Variants in SLIT3 observed in about 807,000 individuals in gnomAD.
The protein encoded by SLIT3 is slit guidance ligand 3.
A neutral mutation model predicts 184.0 loss-of-function variants in SLIT3; 68 were observed. The observed-to-expected ratio is 0.37, with a 90% CI of 0.30 to 0.45. The LOEUF (loss-of-function observed/expected upper bound fraction) is 0.45. SLIT3 is among the 20% of genes least tolerant of loss of function. The pLI is 1.00. For missense variants in SLIT3, 1,707 were observed against 2,026.0 expected (o/e 0.84, Z 3.02); for synonymous variants, 831 against 828.6 (o/e 1.00, Z -0.05).
intron 1 of SLIT3, among the ~76,000 whole-genome samples, chr5:169,257,127 A>C (rs1412702480): frequency 6.6e-6 from 1 of 152,192 alleles, no homozygotes; most frequent in East Asian, 1.9e-4. Flanking sequence ...CTTTCTTTGC[A>C]TGTATGTGCA....
Position 168,994,623 on chromosome 5 carries a change from C to CTTTTTTTTTTTTTTTTTTT in SLIT3, c.414-111306_414-111288dup, listed in dbSNP as rs66498923. On this transcript the variant is annotated intron_variant, in intron 4 of 35. Coordinates refer to ENST00000519560, the MANE Select transcript of SLIT3 (RefSeq NM_003062.4). The stretch of plus-strand genomic sequence containing the variant: ...ACATGTACCAGTGTCTGGCATTCTA[C>CTTTTTTTTTTTTTTTTTTT]TTTTTTTTTTTTTTTTTTTTTTTTT... Among the ~76,000 whole-genome samples the CTTTTTTTTTTTTTTTTTTT allele has an allele frequency of 6.4e-5, 3 of 47,100 alleles. 1 individual carries two copies. The highest frequency in any genetic ancestry group is 9.8e-5 in the African/African-American group (1 of 10,224). The allele number at this position is 47,100 out of a possible 152,430, so 30.9% of individuals were successfully genotyped here.
intron 4 of SLIT3, among the ~76,000 whole-genome samples, chr5:169,165,003 A>C (rs928895403): frequency 1.3e-5 from 2 of 152,244 alleles, no homozygotes; most frequent in South Asian, 4.1e-4. Flanking sequence ...TCTTTCAAAC[A>C]GTAATGATAA....
At chr5:169,192,577 A>T (rs1238506133) in intron 4 of SLIT3, among the ~76,000 whole-genome samples, 1 of 152,146 alleles carries the variant, frequency 6.6e-6, no homozygotes, top group Non-Finnish European at 1.5e-5. Flanking sequence ...CTGCACAAGT[A>T]GGCATTAAAT....
At chr5:168,805,632 A>G (rs1756929101) in intron 9 of SLIT3, among the ~76,000 whole-genome samples, 1 of 152,250 alleles carries the variant, frequency 6.6e-6, no homozygotes, top group African/African-American at 2.4e-5. Context: ...CTATGTGGAC[A>G]AACACATTTT....
intron 4 of SLIT3, chr5:169,120,342 A>T (rs1760832959): frequency 6.6e-6 from 1 of 152,168 alleles, no homozygotes; most frequent in African/African-American, 2.4e-5. Flanking sequence ...AGTGCCATCC[A>T]ACAGAGTTCC....
At chr5:169,091,024 A>T (rs1759563631) in intron 4 of SLIT3, among the ~76,000 whole-genome samples, 1 of 152,162 alleles carries the variant, frequency 6.6e-6, no homozygotes, top group Non-Finnish European at 1.5e-5. Flanking sequence ...GCATTGTCTT[A>T]TCTGTCCTAC....
chr5:168,833,168 G>GT (rs1418606459), intron 6 of SLIT3, among the ~76,000 whole-genome samples: 1 of 152,176 alleles, frequency 6.6e-6, no homozygotes, highest in African/African-American at 2.4e-5. Context: ...CTCTTGTCTG[G>GT]TTTTTGCATG....
chr5:168,771,991 T>A (rs1755567345), intron 14 of SLIT3, among the ~76,000 whole-genome samples: 1 of 152,058 alleles, frequency 6.6e-6, no homozygotes, highest in Non-Finnish European at 1.5e-5. Context: ...TGGTGATTTT[T>A]TTTCCAGTAG....
At chr5:168,752,884 G>C in intron 18 of SLIT3, 71 bp downstream of exon 18, 1 of 1,452,458 alleles carries the variant, frequency 6.9e-7, no homozygotes, top group African/African-American at 1.4e-5. Context: ...GAGGTAGCAG[G>C]GAGCTGGGAG....
chr5:168,753,192 T>C (rs1169568186), intron 17 of SLIT3, 94 bp from the exon 18 acceptor site: 3 of 1,362,056 alleles, frequency 2.2e-6, no homozygotes, highest in South Asian at 1.4e-5. Flanking sequence ...ATAGGTGAGA[T>C]GCTTTTGCCA....
At chr5:168,705,430 A>T (rs1430069368) in intron 26 of SLIT3, among the ~76,000 whole-genome samples, 2 of 152,120 alleles carry the variant, frequency 1.3e-5, no homozygotes, top group Admixed American at 6.6e-5. Context: ...TACTGTTATT[A>T]TCATAGTTAT....
intron 5 of SLIT3, among the ~76,000 whole-genome samples, chr5:168,880,022 T>C (rs1230395816): frequency 6.6e-6 from 1 of 152,220 alleles, no homozygotes; most frequent in Non-Finnish European, 1.5e-5. Context: ...CGTTTTTCAC[T>C]TCCTTTTCCA....
intron 26 of SLIT3, among the ~76,000 whole-genome samples, chr5:168,703,251 T>A (rs1032472516): frequency 1.3e-4 from 20 of 149,684 alleles, no homozygotes; most frequent in African/African-American, 4.9e-4. Flanking sequence ...TGTGTGTGTG[T>A]GTGTGTGTGT....
At chr5:168,794,401 G>A (rs1756494766) in intron 10 of SLIT3, among the ~76,000 whole-genome samples, 1 of 152,178 alleles carries the variant, frequency 6.6e-6, no homozygotes, top group Non-Finnish European at 1.5e-5. Flanking sequence ...TGTCCTCCCT[G>A]CAGAGCCCCC....
chr5:169,202,273 C>T (rs1162125736), intron 3 of SLIT3, among the ~76,000 whole-genome samples: 2 of 151,056 alleles, frequency 1.3e-5, no homozygotes, highest in African/African-American at 4.9e-5. Context: ...AAATCTCTGT[C>T]CTTGTCCATC....
At position 169,179,276 on chromosome 5, in the gene SLIT3, CT is replaced by C. The variant is rs370270230; in HGVS notation, c.413+14202del. Among the ~76,000 whole-genome samples the C allele has an allele frequency of 2.7e-3, 338 of 125,042 alleles. 2 individuals are homozygous for C. The highest frequency in any genetic ancestry group is 0.012 in the South Asian group (46 of 3,754). The allele number at this position is 125,042 out of a possible 152,430, so 82.0% of individuals were successfully genotyped here. On this transcript the variant is annotated intron_variant, in intron 4 of 35. Transcript: ENST00000519560. Reference sequence around the variant, plus strand: ...AAATTAGTGAAACCTATTCCTTTTTCTTTTTTTTTTTTTTTTTTTCCAGACC... The same window carrying C: ...AAATTAGTGAAACCTATTCCTTTTTCTTTTTTTTTTTTTTTTTTCCAGACC...
chr5:168,907,979 T>TAGAG (rs70979109), intron 4 of SLIT3, among the ~76,000 whole-genome samples: 44 of 50,074 alleles, frequency 8.8e-4, no homozygotes, highest in East Asian at 3.5e-3. Flanking sequence ...TATATATATA[T>TAGAG]AGAGAGAGAG....
chr5:168,881,759 T>G (rs966131999), intron 5 of SLIT3, among the ~76,000 whole-genome samples: 1 of 152,190 alleles, frequency 6.6e-6, no homozygotes, highest in Non-Finnish European at 1.5e-5. Context: ...ATTTATTTAG[T>G]GGTTTTGAAG....
chr5:169,181,361 GGAA>G (rs1763149407), intron 4 of SLIT3, among the ~76,000 whole-genome samples: 1 of 152,110 alleles, frequency 6.6e-6, no homozygotes, highest in Admixed American at 6.5e-5. Flanking sequence ...GACAGATATA[GGAA>G]GAAGACTATT....
Sources: allele counts gnomAD v4.1 joint callset (sites outside exome capture counted in the v4.1 genomes callset), GRCh38; gene constraint gnomAD v4.1.1; transcripts MANE v1.5; gene names NCBI Gene and HGNC (gene_info 2026-07-23, HGNC 2026-07-21).